RASGRF2: variants seen among roughly 807,000 people sequenced by gnomAD.
RASGRF2 encodes Ras protein specific guanine nucleotide releasing factor 2, also known as ras-specific guanine nucleotide-releasing factor 2.
In RASGRF2, 76 loss-of-function variants were observed where a neutral mutation model predicts 151.0. That is an observed-to-expected ratio of 0.50 (90% confidence interval 0.42 to 0.61). RASGRF2 has a LOEUF of 0.61. RASGRF2 is among the 20% of genes least tolerant of loss of function. The pLI, the probability that RASGRF2 is intolerant of heterozygous loss-of-function variation, is 0.00. For synonymous variants in RASGRF2, 504 were observed against 566.5 expected (o/e 0.89, Z 1.57); for missense variants, 1,148 against 1,564.6 (o/e 0.73, Z 4.49).
chr5:80,975,960 T>C (rs2112227545), intron 1 of RASGRF2, among the ~76,000 whole-genome samples: 1 of 151,798 alleles, frequency 6.6e-6, no homozygotes, highest in African/African-American at 2.4e-5. Context: ...TTCTCCTGCC[T>C]CAGCTTTCTG....
chr5:81,052,555 G>A (rs898909921), intron 2 of RASGRF2, among the ~76,000 whole-genome samples: 2 of 152,174 alleles, frequency 1.3e-5, no homozygotes, highest in African/African-American at 4.8e-5. Flanking sequence ...GACAGCTTAG[G>A]AGGGAAGAGT....
intron 17 of RASGRF2, 58 bp from the exon 18 acceptor site, chr5:81,180,117 C>A: frequency 1.0e-6 from 1 of 967,130 alleles, no homozygotes; most frequent in Non-Finnish European, 1.7e-6. Context: ...ATGACCTTTT[C>A]CAGGTCCCTA....
At chr5:81,221,911 AG>A (rs769570656) in intron 26 of RASGRF2, among the ~76,000 whole-genome samples, 2 of 152,068 alleles carry the variant, frequency 1.3e-5, no homozygotes, top group African/African-American at 4.8e-5. Context: ...CAGGAGGCAA[AG>A]TTTGCAGTGA....
At chr5:81,182,776 G>A (rs190279473) in intron 18 of RASGRF2, among the ~76,000 whole-genome samples, 31 of 152,322 alleles carry the variant, frequency 2.0e-4, no homozygotes, top group African/African-American at 7.0e-4. Context: ...TGGCTTCACA[G>A]AGCCTAAGCA....
intron 21 of RASGRF2, among the ~76,000 whole-genome samples, chr5:81,207,660 T>C (rs2112725397): frequency 6.6e-6 from 1 of 152,374 alleles, no homozygotes; most frequent in Non-Finnish European, 1.5e-5. Context: ...TTGTCCCTTG[T>C]TTCTTGCTGT....
rs1206306245 is a variant in RASGRF2 at position 81,123,718 on chromosome 5, T to C, written c.2547T>C (p.Pro849=). 1 of 1,613,962 alleles carries C rather than the reference T, an allele frequency of 6.2e-7. No individual in the cohort carries two copies. Among genetic ancestry groups the C allele is most frequent in the African/African-American group, 1.3e-5 (1 of 75,026 alleles). The change falls in exon 16 of 27, where the codon CCT becomes CCC. Residue 849 remains proline, a synonymous_variant. Transcript: ENST00000265080. ...CAGCGGACACCACAGAACTTTCACCTTGCAGATCCCCCTCAACTCCTCGGC... is the reference window on the plus strand; with the variant it reads ...CAGCGGACACCACAGAACTTTCACCCTGCAGATCCCCCTCAACTCCTCGGC... ...SPAADTTELS[P]CRSPSTPRHL...
At chr5:80,980,978 T>C (rs889420600) in intron 1 of RASGRF2, among the ~76,000 whole-genome samples, 1 of 152,164 alleles carries the variant, frequency 6.6e-6, no homozygotes, top group African/African-American at 2.4e-5. Flanking sequence ...AATAACATCA[T>C]GGTAAAATCC....
intron 1 of RASGRF2, among the ~76,000 whole-genome samples, chr5:81,020,743 G>A (rs181144048): frequency 3.9e-4 from 59 of 152,256 alleles, no homozygotes; most frequent in Non-Finnish European, 7.2e-4. Context: ...CTGTAGGTGC[G>A]GAATGGCCCA....
At chr5:81,043,755 G>A (rs1016958959) in intron 2 of RASGRF2, among the ~76,000 whole-genome samples, 2 of 152,022 alleles carry the variant, frequency 1.3e-5, no homozygotes, top group African/African-American at 4.8e-5. Context: ...CATCTCTTGG[G>A]TATTTTGGGG....
At chr5:81,131,697 A>G (rs1753625017) in intron 17 of RASGRF2, among the ~76,000 whole-genome samples, 1 of 151,932 alleles carries the variant, frequency 6.6e-6, no homozygotes, top group African/African-American at 2.4e-5. Flanking sequence ...AAAAAAAAAA[A>G]AAGATCTAGA....
At chr5:81,212,001 C>T (rs757956284) in intron 22 of RASGRF2, among the ~76,000 whole-genome samples, 5 of 152,264 alleles carry the variant, frequency 3.3e-5, no homozygotes, top group Admixed American at 6.5e-5. Flanking sequence ...GGAAAGGCCC[C>T]AGGGAGTGAC....
chr5:81,202,179 C>T (rs1247407679), intron 19 of RASGRF2, among the ~76,000 whole-genome samples: 2 of 152,140 alleles, frequency 1.3e-5, no homozygotes, highest in Admixed American at 6.5e-5. Flanking sequence ...TTTGTGCAGA[C>T]ATTTCAGTTG....
intron 18 of RASGRF2, 140 bp downstream of exon 18, chr5:81,180,421 T>C: frequency 1.6e-6 from 1 of 613,144 alleles, no homozygotes; most frequent in Non-Finnish European, 3.0e-6. Flanking sequence ...AGGGAAGAAA[T>C]AGGCTAGGCA....
intron 1 of RASGRF2, among the ~76,000 whole-genome samples, chr5:80,970,555 T>C (rs962231396): frequency 6.6e-6 from 1 of 152,220 alleles, no homozygotes; most frequent in Non-Finnish European, 1.5e-5. Flanking sequence ...TTTTTTCCCC[T>C]AACTTCAGGT....
intron 1 of RASGRF2, among the ~76,000 whole-genome samples, chr5:81,014,453 A>T (rs967405652): frequency 7.9e-5 from 12 of 152,184 alleles, no homozygotes; most frequent in African/African-American, 2.7e-4. Context: ...AAACCATCAG[A>T]TCTCGCGAAA....
intron 12 of RASGRF2, among the ~76,000 whole-genome samples, chr5:81,095,580 T>C (rs1224003587): frequency 6.6e-6 from 1 of 152,236 alleles, no homozygotes; most frequent in Non-Finnish European, 1.5e-5. Flanking sequence ...AAACTAGTCA[T>C]GATTGGACTT....
At chr5:80,972,767 A>G (rs1202289504) in intron 1 of RASGRF2, among the ~76,000 whole-genome samples, 1 of 152,238 alleles carries the variant, frequency 6.6e-6, no homozygotes, top group Non-Finnish European at 1.5e-5. Flanking sequence ...GGCGTGAGCC[A>G]CCGCACCAGC....
intron 9 of RASGRF2, among the ~76,000 whole-genome samples, chr5:81,090,182 T>C (rs539841251): frequency 2.0e-5 from 3 of 152,362 alleles, no homozygotes; most frequent in Admixed American, 1.3e-4. Context: ...GAGACAGTTA[T>C]ATCTTCTCAA....
intron 1 of RASGRF2, among the ~76,000 whole-genome samples, chr5:80,976,261 C>T (rs1423672427): frequency 6.6e-6 from 1 of 152,212 alleles, no homozygotes; most frequent in Non-Finnish European, 1.5e-5. Flanking sequence ...GGGGTTAACA[C>T]TGAGGCATGC....
Sources: gnomAD v4.1 joint callset for allele counts (sites outside exome capture counted in the v4.1 genomes callset) on GRCh38, gnomAD v4.1.1 for gene constraint, MANE v1.5 for transcripts, NCBI Gene and HGNC (gene_info 2026-07-23, HGNC 2026-07-21) for gene names.